Variants in COL25A1 observed in about 807,000 individuals in gnomAD.
COL25A1 encodes collagen alpha-1(XXV) chain.
Under a neutral mutation model 128.4 loss-of-function variants are expected in COL25A1, and 103 were observed. The observed-to-expected ratio is 0.80, with a 90% CI of 0.68 to 0.94. The LOEUF is 0.94. COL25A1 is among the 40% of genes least tolerant of loss of function. The probability of loss-of-function intolerance (pLI) is 0.00; values close to 1 mark genes in which losing one functional copy is unlikely to be tolerated. For missense variants in COL25A1, 745 were observed against 840.0 expected (o/e 0.89, Z 1.40); for synonymous variants, 279 against 277.2 (o/e 1.01, Z -0.06).
rs546434076 is a variant in COL25A1 at position 109,226,032 on chromosome 4, G to A, written c.367+74551C>T. Among the ~76,000 whole-genome samples the A allele has an allele frequency of 8.9e-5, 13 of 145,624 alleles. No individual in the cohort carries two copies. In the South Asian group the frequency reaches 9.3e-4, roughly 10 times the overall value. ...ACACACACACACACACACACACAAC[G>A]GAATACTATTCAGCCATAAAAAAGA... On this transcript the variant is annotated intron_variant, in intron 3 of 37. Transcript: ENST00000399132.
intron 3 of COL25A1, among the ~76,000 whole-genome samples, chr4:109,070,663 A>T (rs561888969): frequency 2.0e-3 from 294 of 146,528 alleles, no homozygotes; most frequent in Middle Eastern, 3.5e-3. Context: ...ATTAGGTATA[A>T]CTCCTAATGC....
intron 31 of COL25A1, among the ~76,000 whole-genome samples, chr4:108,837,684 C>T (rs1342515980): frequency 2.0e-5 from 3 of 152,100 alleles, no homozygotes; most frequent in Non-Finnish European, 4.4e-5. Flanking sequence ...CCATACCTGC[C>T]ACCAACAGAG....
intron 6 of COL25A1, among the ~76,000 whole-genome samples, chr4:108,994,665 C>A (rs369454069): frequency 6.6e-6 from 1 of 152,208 alleles, no homozygotes; most frequent in Admixed American, 6.5e-5. Flanking sequence ...CTGCCTCAAG[C>A]GGGTCCCTGA....
chr4:109,094,716 T>C (rs1460528780), intron 3 of COL25A1, among the ~76,000 whole-genome samples: 2 of 152,300 alleles, frequency 1.3e-5, no homozygotes, highest in East Asian at 3.9e-4. Context: ...ATTCCACATG[T>C]CTGAAAACTT....
chr4:109,222,244 G>A (rs189382699), intron 3 of COL25A1, among the ~76,000 whole-genome samples: 13,078 of 151,118 alleles, frequency 0.087, 1,173 homozygotes, highest in African/African-American at 0.23. Context: ...TTGTATTTTT[G>A]GTAGAGCCGG....
chr4:109,135,584 A>T (rs1164836060), intron 3 of COL25A1, among the ~76,000 whole-genome samples: 1 of 152,176 alleles, frequency 6.6e-6, no homozygotes, highest in African/African-American at 2.4e-5. Context: ...GGACAGCTTG[A>T]GGACAGCTTA....
Position 108,863,350 on chromosome 4 carries a change from T to C in COL25A1, c.1121A>G (p.Glu374Gly). 1 of 1,613,866 alleles carries C rather than the reference T, an allele frequency of 6.2e-7. No homozygotes were observed. Among genetic ancestry groups the C allele is most frequent in the East Asian group, 2.2e-5 (1 of 44,852 alleles). Residue 374 changes from glutamate (E) to glycine (G), a missense_variant, in exon 21 of 38, where the codon GAG becomes GGG. Coordinates refer to ENST00000399132, the MANE Select transcript of COL25A1 (RefSeq NM_198721.4). ...TCCGGGGGCTCCAGGTTCCCCTCGC[T>C]CACCTCTTCCAGGAGGCCCTGCTTC... ...RGEAGPPGRG[E>G]RGEPGAPGPK...
intron 6 of COL25A1, among the ~76,000 whole-genome samples, chr4:109,004,957 T>C (rs1205212927): frequency 6.6e-6 from 1 of 152,248 alleles, no homozygotes; most frequent in East Asian, 1.9e-4. Flanking sequence ...AACAAGTTAA[T>C]TACAATTCTG....
At chr4:108,861,782 C>T (rs1737253634) in intron 22 of COL25A1, among the ~76,000 whole-genome samples, 2 of 152,098 alleles carry the variant, frequency 1.3e-5, no homozygotes, top group South Asian at 4.1e-4. Flanking sequence ...TGATAGGGTT[C>T]TTTTTCTGTA....
intron 6 of COL25A1, among the ~76,000 whole-genome samples, chr4:108,993,727 G>A (rs559212225): frequency 6.6e-6 from 1 of 152,200 alleles, no homozygotes; most frequent in African/African-American, 2.4e-5. Context: ...GGGCGTGGTG[G>A]TAGGTTCCTG....
intron 32 of COL25A1, among the ~76,000 whole-genome samples, chr4:108,828,573 A>G (rs939873935): frequency 6.6e-6 from 1 of 152,208 alleles, no homozygotes; most frequent in Admixed American, 6.5e-5. Flanking sequence ...TTGAACACTT[A>G]TAAAGAATAA....
intron 8 of COL25A1, among the ~76,000 whole-genome samples, chr4:108,950,900 G>A (rs946519763): frequency 6.6e-6 from 1 of 152,216 alleles, no homozygotes; most frequent in Non-Finnish European, 1.5e-5. Context: ...TAGTGCTCTG[G>A]TTAGAGGAGC....
intron 20 of COL25A1, among the ~76,000 whole-genome samples, chr4:108,867,771 C>A (rs1296391310): frequency 6.6e-6 from 1 of 152,102 alleles, no homozygotes; most frequent in Non-Finnish European, 1.5e-5. Context: ...TTTGCCCCTT[C>A]TTTGATTCAT....
At position 109,064,424 on chromosome 4, in the gene COL25A1, T is replaced by G. The variant is rs1762239891; in HGVS notation, c.368-14245A>C. ...CAAAGTTCTACAAGTAAATGGATAA[T>G]AAGTTGATGTTAATATTACAGAATC... is the stretch of plus-strand genomic sequence containing the variant. On this transcript the variant is annotated intron_variant, in intron 3 of 37. Coordinates refer to ENST00000399132, the MANE Select transcript of COL25A1 (RefSeq NM_198721.4). Among the ~76,000 whole-genome samples the G allele has an allele frequency of 2.0e-5, 3 of 152,214 alleles. No individual in the cohort carries two copies. The South Asian group carries it at 6.2e-4, about 32-fold the overall frequency.
At chr4:108,889,144 T>C in intron 18 of COL25A1, 77 bp downstream of exon 18, 1 of 1,228,558 alleles carries the variant, frequency 8.1e-7, no homozygotes, top group Non-Finnish European at 1.2e-6. Flanking sequence ...ATAATTGTTT[T>C]CATATTACAC....
intron 3 of COL25A1, among the ~76,000 whole-genome samples, chr4:109,057,858 A>G (rs1349473729): frequency 2.0e-5 from 3 of 152,120 alleles, no homozygotes; most frequent in African/African-American, 7.2e-5. Context: ...ATTAGTTGCT[A>G]TTTATTAATT....
chr4:109,246,310 G>C (rs1014455817), intron 3 of COL25A1, among the ~76,000 whole-genome samples: 1 of 152,086 alleles, frequency 6.6e-6, no homozygotes, highest in Admixed American at 6.5e-5. Context: ...TAAGCTGGTA[G>C]AGCTAGAAAA....
chr4:109,098,877 T>C (rs190036109), intron 3 of COL25A1, among the ~76,000 whole-genome samples: 2 of 152,362 alleles, frequency 1.3e-5, no homozygotes, highest in East Asian at 3.9e-4. Context: ...CATTAGGTTG[T>C]AATTAAAAGC....
chr4:109,141,735 T>C (rs987928436), intron 3 of COL25A1, among the ~76,000 whole-genome samples: 4 of 152,238 alleles, frequency 2.6e-5, no homozygotes, highest in African/African-American at 9.6e-5. Context: ...GTGTTTATAG[T>C]ATTCTCTGAC....
Sources: gnomAD v4.1 joint callset for allele counts (sites outside exome capture counted in the v4.1 genomes callset) on GRCh38, gnomAD v4.1.1 for gene constraint, MANE v1.5 for transcripts, NCBI Gene and HGNC (gene_info 2026-07-23, HGNC 2026-07-21) for gene names.